The following CADPS variants were observed in gnomAD, a reference collection of about 807,000 sequenced individuals.
The protein encoded by CADPS is calcium dependent secretion activator, also known as calcium-dependent secretion activator 1.
CADPS carries 57 observed loss-of-function variants against 167.3 expected under a neutral mutation model. The observed-to-expected ratio is 0.34, with a 90% confidence interval of 0.28 to 0.42. The LOEUF is 0.42. Among genes scored for constraint, CADPS ranks in the 20% least tolerant of loss-of-function variants. The pLI, the probability that CADPS is intolerant of heterozygous loss-of-function variation, is 1.00. For synonymous variants in CADPS, 676 were observed against 635.3 expected, an observed-to-expected ratio of 1.06 and a Z score of -0.96; for missense variants, 1,414 against 1,738.1, an observed-to-expected ratio of 0.81 and a Z score of 3.32.
At chr3:62,843,492 G>GGTGTGTGTGTGTGTGTGT (rs150223612) in intron 1 of CADPS, among the ~76,000 whole-genome samples, 7,810 of 149,022 alleles carry the variant, frequency 0.052, 233 homozygotes, top group Middle Eastern at 0.07. Flanking sequence ...TGGCAGTTGG[G>GGTGTGTGTGTGTGTGTGT]GTGTGTGTGT....
intron 13 of CADPS, among the ~76,000 whole-genome samples, chr3:62,520,815 A>C (rs1055640493): frequency 2.0e-5 from 3 of 152,240 alleles, no homozygotes; most frequent in African/African-American, 7.2e-5. Context: ...TAACCAGGTC[A>C]GTTAAAAAGC....
intron 1 of CADPS, among the ~76,000 whole-genome samples, chr3:62,792,674 C>T (rs1368172201): frequency 6.6e-6 from 1 of 152,150 alleles, no homozygotes; most frequent in East Asian, 1.9e-4. Flanking sequence ...TAGCTCACTA[C>T]AACCTTGAAC....
chr3:62,463,645 C>T (rs2059627714), intron 26 of CADPS, among the ~76,000 whole-genome samples: 1 of 152,320 alleles, frequency 6.6e-6, no homozygotes, highest in Non-Finnish European at 1.5e-5. Context: ...TGGTTCCTGT[C>T]CCCACTCTGC....
Position 62,753,292 on chromosome 3 carries a change from C to G in CADPS, c.888+149G>C, listed in dbSNP as rs2083115333. 1.7e-6 allele frequency: 1 copy of G among 600,756 alleles called. No homozygotes were observed. The highest frequency in any genetic ancestry group is 2.9e-6 in the Non-Finnish European group (1 of 346,846). 37.2% of individuals were successfully genotyped at this position (600,756 alleles called of 1,614,324 possible). On this transcript the variant is annotated intron_variant, in intron 3 of 29. Coordinates refer to ENST00000383710, the MANE Select transcript of CADPS (RefSeq NM_003716.4). The surrounding 1 kb of genome is among the most constrained non-coding windows in gnomAD (Gnocchi z 4.6). ...ATCAGAAGAAAAGCATGAATATACT[C>G]CAGCCTAAACTGTATTCAACTTTTT... is the stretch of plus-strand genomic sequence containing the variant.
intron 6 of CADPS, among the ~76,000 whole-genome samples, chr3:62,627,463 T>C (rs1050458449): frequency 3.3e-5 from 5 of 152,104 alleles, no homozygotes; most frequent in African/African-American, 1.2e-4. Context: ...TAAGACCTAC[T>C]TTATGGCCTG....
At chr3:62,788,929 G>T (rs2092700155) in intron 1 of CADPS, among the ~76,000 whole-genome samples, 2 of 152,160 alleles carry the variant, frequency 1.3e-5, no homozygotes, top group Non-Finnish European at 2.9e-5. Flanking sequence ...CTGCAAATAG[G>T]AAACAGAGTT....
At chr3:62,580,095 CA>C (rs2083110794) in intron 8 of CADPS, among the ~76,000 whole-genome samples, 1 of 152,082 alleles carries the variant, frequency 6.6e-6, no homozygotes, top group Non-Finnish European at 1.5e-5. Flanking sequence ...AGTTCGAGAC[CA>C]AAGGACTATA....
At chr3:62,557,575 CCCCCATGT>C in intron 9 of CADPS, 62 bp from the exon 10 acceptor site, 1 of 1,261,314 alleles carries the variant, frequency 7.9e-7, no homozygotes, top group East Asian at 2.3e-5. Context: ...AAAAAACCCT[CCCCCATGT>C]TCTCTCCTCT....
chr3:62,856,073 A>T (rs190640506), intron 1 of CADPS, among the ~76,000 whole-genome samples: 1 of 152,254 alleles, frequency 6.6e-6, no homozygotes, highest in Admixed American at 6.5e-5. Flanking sequence ...AGAAACAGAA[A>T]CTAGCTGGAA....
At chr3:62,444,433 T>G (rs1280027028) in intron 27 of CADPS, among the ~76,000 whole-genome samples, 1 of 152,182 alleles carries the variant, frequency 6.6e-6, no homozygotes, top group Non-Finnish European at 1.5e-5. Context: ...GACTTAGGTA[T>G]TATCGTCATC....
intron 1 of CADPS, among the ~76,000 whole-genome samples, chr3:62,868,454 C>T (rs1392102097): frequency 6.6e-6 from 1 of 152,076 alleles, no homozygotes; most frequent in Non-Finnish European, 1.5e-5. Context: ...TCCATAAAAA[C>T]TCAGGCCCAG....
At chr3:62,494,020 T>C (rs2064195740) in intron 18 of CADPS, among the ~76,000 whole-genome samples, 2 of 152,220 alleles carry the variant, frequency 1.3e-5, no homozygotes, top group Admixed American at 1.3e-4. Flanking sequence ...AAACAGTAGA[T>C]TTAATTTCAT....
At chr3:62,715,480 A>G (rs1473800277) in intron 3 of CADPS, among the ~76,000 whole-genome samples, 1 of 150,392 alleles carries the variant, frequency 6.6e-6, no homozygotes, top group Non-Finnish European at 1.5e-5. Context: ...GTCACAAAAG[A>G]TACCATATTT....
At chr3:62,445,640 C>A in intron 27 of CADPS, 125 bp downstream of exon 27, 1 of 573,882 alleles carries the variant, frequency 1.7e-6, no homozygotes, top group South Asian at 3.3e-5. Context: ...AAGTCAGCAA[C>A]ACACAGTTTA....
chr3:62,525,822 G>T (rs1439646022), intron 13 of CADPS, among the ~76,000 whole-genome samples: 1 of 151,944 alleles, frequency 6.6e-6, no homozygotes, highest in Admixed American at 6.6e-5. Flanking sequence ...TCACCAAAAA[G>T]AAATAAAAGG....
chr3:62,588,427 A>C lies in CADPS; in HGVS notation c.1438-3103T>G, dbSNP rs186408141. On this transcript the variant is annotated intron_variant, in intron 7 of 29. Coordinates refer to ENST00000383710, the MANE Select transcript of CADPS (RefSeq NM_003716.4). Reference sequence around the variant, plus strand: ...GTCATTATTCCTATTTGCTCTGTGCACAGGACAAATGATTGGACACAGAGG... The same window carrying C: ...GTCATTATTCCTATTTGCTCTGTGCCCAGGACAAATGATTGGACACAGAGG... Among the ~76,000 whole-genome samples the C allele has an allele frequency of 2.9e-3, 435 of 151,628 alleles. 3 individuals carry two copies. The highest frequency in any genetic ancestry group is 0.01 in the African/African-American group (414 of 41,360).
At chr3:62,521,659 T>G (rs1397800326) in intron 13 of CADPS, among the ~76,000 whole-genome samples, 1 of 152,172 alleles carries the variant, frequency 6.6e-6, no homozygotes, top group Admixed American at 6.5e-5. Flanking sequence ...ACAGAACACC[T>G]GCCTAGAAGC....
At chr3:62,863,211 A>T (rs2081120762) in intron 1 of CADPS, among the ~76,000 whole-genome samples, 1 of 152,192 alleles carries the variant, frequency 6.6e-6, no homozygotes, top group Non-Finnish European at 1.5e-5. Context: ...AATGTAGTTA[A>T]CATAGCACAT....
chr3:62,471,547 G>A (rs1419634970), intron 24 of CADPS, among the ~76,000 whole-genome samples: 1 of 152,122 alleles, frequency 6.6e-6, no homozygotes, highest in Non-Finnish European at 1.5e-5. Context: ...CCAGATCAAA[G>A]TGACTTGGCT....
Sources: gnomAD v4.1 joint callset for allele counts (sites outside exome capture counted in the v4.1 genomes callset) on GRCh38, gnomAD v4.1.1 for gene constraint, Gnocchi (gnomAD v3.1) non-coding constraint, MANE v1.5 for transcripts, NCBI Gene and HGNC (gene_info 2026-07-23, HGNC 2026-07-21) for gene names.